RAP1GAP2: variants seen among roughly 807,000 people sequenced by gnomAD.
The protein encoded by RAP1GAP2 is rap1 GTPase-activating protein 2.
Under a neutral mutation model 95.0 loss-of-function variants are expected in RAP1GAP2, and 27 were observed. The observed-to-expected ratio is 0.28, with a 90% CI of 0.21 to 0.39. The LOEUF is 0.39. Ranked by LOEUF, RAP1GAP2 falls within the 10% of genes least tolerant of loss-of-function variation. The probability of loss-of-function intolerance (pLI) is 1.00; values close to 1 mark genes in which losing one functional copy is unlikely to be tolerated. For synonymous variants in RAP1GAP2, 373 were observed against 380.9 expected, an observed-to-expected ratio of 0.98 and a Z score of 0.24; for missense variants, 771 against 970.0, an observed-to-expected ratio of 0.79 and a Z score of 2.72.
intron 2 of RAP1GAP2, among the ~76,000 whole-genome samples, chr17:2,830,633 G>A (rs1295122355): frequency 6.6e-6 from 1 of 151,998 alleles, no homozygotes; most frequent in South Asian, 2.1e-4. Flanking sequence ...AGAATCGCTT[G>A]AACCTGGGAG....
chr17:2,974,688 T>C (rs377327957), intron 8 of RAP1GAP2, among the ~76,000 whole-genome samples: 2 of 152,120 alleles, frequency 1.3e-5, no homozygotes, highest in African/African-American at 2.4e-5. Context: ...GTTCAGTGGA[T>C]AAAAGCATAC....
intron 17 of RAP1GAP2, among the ~76,000 whole-genome samples, chr17:3,015,556 C>T (rs143999307): frequency 1.1e-4 from 17 of 152,256 alleles, no homozygotes; most frequent in East Asian, 3.9e-4. Context: ...TGGTGGCTCA[C>T]GCTTGTAATC....
intron 2 of RAP1GAP2, among the ~76,000 whole-genome samples, chr17:2,814,096 T>G (rs2151504285): frequency 6.6e-6 from 1 of 152,278 alleles, no homozygotes; most frequent in South Asian, 2.1e-4. Context: ...CTTGACAGCA[T>G]TCTCAAATAT....
At chr17:2,920,481 G>C (rs964507275) in intron 3 of RAP1GAP2, among the ~76,000 whole-genome samples, 2 of 152,176 alleles carry the variant, frequency 1.3e-5, no homozygotes, top group Admixed American at 1.3e-4. Flanking sequence ...TTCAGGCCCT[G>C]CCTCCCCCGC....
chr17:2,980,155 C>T (rs2045302182), intron 8 of RAP1GAP2, 132 bp from the exon 9 acceptor site: 4 of 729,600 alleles, frequency 5.5e-6, no homozygotes, highest in African/African-American at 5.3e-5. Context: ...GTTGGACAGG[C>T]TGGTCTCGAA....
At chr17:2,763,928 G>A (rs1272237182) in intron 1 of RAP1GAP2, among the ~76,000 whole-genome samples, 2 of 151,850 alleles carry the variant, frequency 1.3e-5, no homozygotes, top group Non-Finnish European at 2.9e-5. Flanking sequence ...GTGTGTGCCC[G>A]GTGGGATCAA....
At chr17:2,927,006 A>G (rs1344386226) in intron 3 of RAP1GAP2, among the ~76,000 whole-genome samples, 88 of 57,588 alleles carry the variant, frequency 1.5e-3, no homozygotes, top group African/African-American at 7.6e-3. Context: ...ACTCCATCTC[A>G]AAAAAAAAAA....
chr17:2,877,440 T>C (rs990982281), intron 2 of RAP1GAP2, among the ~76,000 whole-genome samples: 2 of 152,282 alleles, frequency 1.3e-5, no homozygotes, highest in African/African-American at 2.4e-5. Context: ...ATCACATCTC[T>C]GCTCTGCTCA....
intron 2 of RAP1GAP2, among the ~76,000 whole-genome samples, chr17:2,893,316 C>T (rs2073780700): frequency 1.3e-5 from 2 of 152,206 alleles, no homozygotes; most frequent in South Asian, 4.1e-4. Flanking sequence ...GCTGGGATTA[C>T]AGGCGTGAGC....
At chr17:2,876,846 G>C (rs2073117084) in intron 2 of RAP1GAP2, among the ~76,000 whole-genome samples, 1 of 150,924 alleles carries the variant, frequency 6.6e-6, no homozygotes, top group African/African-American at 2.4e-5. Context: ...AGGGTCATCA[G>C]TTGGTTGGGG....
intron 2 of RAP1GAP2, among the ~76,000 whole-genome samples, chr17:2,879,119 T>C (rs1315294750): frequency 1.1e-3 from 3 of 2,772 alleles, no homozygotes; most frequent in Non-Finnish European, 3.4e-3. Context: ...AAGCCCTTCT[T>C]TTTTTTTTTT....
intron 12 of RAP1GAP2, 112 bp from the exon 13 acceptor site, chr17:2,995,225 T>C (rs1386167525): frequency 1.5e-5 from 20 of 1,347,250 alleles, no homozygotes; most frequent in African/African-American, 1.4e-4. Flanking sequence ...TCAGCTCTCC[T>C]GTCTCCTCTG....
intron 23 of RAP1GAP2, among the ~76,000 whole-genome samples, 177 bp downstream of exon 23, chr17:3,031,175 C>T (rs879809520): frequency 6.6e-6 from 1 of 152,262 alleles, no homozygotes; most frequent in Non-Finnish European, 1.5e-5. Flanking sequence ...GTTCCAGCCA[C>T]CTTTGCCACA....
chr17:3,018,702 C>A (rs529107680), intron 18 of RAP1GAP2, among the ~76,000 whole-genome samples: 1 of 152,190 alleles, frequency 6.6e-6, no homozygotes, highest in African/African-American at 2.4e-5. Flanking sequence ...TTCTCCTGTT[C>A]CCATTTGAGG....
intron 3 of RAP1GAP2, among the ~76,000 whole-genome samples, chr17:2,946,211 G>T (rs983703301): frequency 2.0e-5 from 3 of 152,218 alleles, no homozygotes; most frequent in Admixed American, 6.5e-5. Context: ...GAGGATGTCT[G>T]ACTCTATCCA....
chr17:2,919,390 G>T (rs1354602341), intron 3 of RAP1GAP2, among the ~76,000 whole-genome samples: 3 of 152,228 alleles, frequency 2.0e-5, no homozygotes, highest in Non-Finnish European at 4.4e-5. Context: ...TCGAGACTTG[G>T]ATAATTCGGG....
At chr17:2,859,926 ATTGT>A (rs979723488) in intron 2 of RAP1GAP2, among the ~76,000 whole-genome samples, 13 of 144,554 alleles carry the variant, frequency 9.0e-5, no homozygotes, top group Admixed American at 3.4e-4. Flanking sequence ...TTTGTTGTTG[ATTGT>A]TTGTTTTTTT....
chr17:2,791,304 G>T (rs1163704143), intron 1 of RAP1GAP2, among the ~76,000 whole-genome samples: 2 of 152,128 alleles, frequency 1.3e-5, no homozygotes, highest in African/African-American at 4.8e-5. Context: ...GCTGGTCCCC[G>T]AGAAACACCT....
chr17:2,853,511 G>A (rs2151599667), intron 2 of RAP1GAP2, among the ~76,000 whole-genome samples: 1 of 151,158 alleles, frequency 6.6e-6, no homozygotes, highest in South Asian at 2.1e-4. Flanking sequence ...AGAAGGAGCG[G>A]GCGAGGGGAG....
Sources: allele counts gnomAD v4.1 joint callset (sites outside exome capture counted in the v4.1 genomes callset), GRCh38; gene constraint gnomAD v4.1.1; transcripts MANE v1.5; gene names NCBI Gene and HGNC (gene_info 2026-07-23, HGNC 2026-07-21).